The following DNAJB1 variants were observed in gnomAD, a reference collection of about 807,000 sequenced individuals.
The protein encoded by DNAJB1 is DnaJ heat shock protein family (Hsp40) member B1.
Under a neutral mutation model 24.0 loss-of-function variants are expected in DNAJB1, and 14 were observed. The observed-to-expected ratio is 0.58, with a 90% confidence interval of 0.39 to 0.91. The LOEUF (loss-of-function observed/expected upper bound fraction) is 0.91, where lower values mean the gene tolerates loss of function less well. Among genes scored for constraint, DNAJB1 ranks in the 40% least tolerant of loss-of-function variants. The probability of loss-of-function intolerance (pLI) is 0.00; values close to 1 mark genes in which losing one functional copy is unlikely to be tolerated. For synonymous variants in DNAJB1, 262 were observed against 174.4 expected (o/e 1.50, Z -3.96); for missense variants, 517 against 458.1 (o/e 1.13, Z -1.17).
At chr19:14,518,805 C>A (rs2072328224), upstream of DNAJB1, among the ~76,000 whole-genome samples, 1 of 152,374 alleles carries the variant, frequency 6.6e-6, no homozygotes, top group South Asian at 2.1e-4. Context: ...AGTCCTTTCC[C>A]CGGGAGGCGA....
upstream of DNAJB1, among the ~76,000 whole-genome samples, chr19:14,551,946 CCT>C (rs71166756): frequency 0.43 from 30,681 of 70,976 alleles, 7,284 homozygotes; most frequent in African/African-American, 0.55. Flanking sequence ...TCCCTCCCTC[CCT>C]CTCTCTCTCT....
intron 1 of DNAJB1, among the ~76,000 whole-genome samples, chr19:14,540,969 G>C (rs2073077316): frequency 6.6e-6 from 1 of 151,876 alleles, no homozygotes; most frequent in Non-Finnish European, 1.5e-5. Context: ...GGAGTAACTG[G>C]GACTACAGGC....
At chr19:14,541,486 C>T (rs1329915088) in intron 1 of DNAJB1, among the ~76,000 whole-genome samples, 1 of 152,248 alleles carries the variant, frequency 6.6e-6, no homozygotes, top group Non-Finnish European at 1.5e-5. Context: ...CTCTGTTTTC[C>T]AGTCCATCAC....
chr19:14,552,303 G>A (rs1234795704), upstream of DNAJB1, among the ~76,000 whole-genome samples: 1 of 151,056 alleles, frequency 6.6e-6, no homozygotes, highest in Non-Finnish European at 1.5e-5. Context: ...CAAACTGCTG[G>A]GATTATAGGC....
chr19:14,542,376 T>TTTTTTTTTC (rs1762683142), intron 1 of DNAJB1, among the ~76,000 whole-genome samples: 1 of 110,124 alleles, frequency 9.1e-6, no homozygotes, highest in African/African-American at 3.6e-5. Flanking sequence ...TTTTTTTTTT[T>TTTTTTTTTC]CTGAGATGGA....
At chr19:14,518,524 G>C (rs937594267), upstream of DNAJB1, 3 of 450,266 alleles carry the variant, frequency 6.7e-6, no homozygotes, top group Non-Finnish European at 1.1e-5. Flanking sequence ...CCCTTTCAGC[G>C]ACACGCGACA....
chr19:14,516,205 T>C (rs1430125727), intron 2 of DNAJB1, 35 bp from the exon 3 acceptor site: 1 of 1,610,460 alleles, frequency 6.2e-7, no homozygotes, highest in South Asian at 1.1e-5. Flanking sequence ...AGATGGAAGC[T>C]GGCTCAAGAG....
upstream of DNAJB1, chr19:14,531,608 G>A (rs991637995): frequency 6.6e-6 from 1 of 152,078 alleles, no homozygotes; most frequent in Non-Finnish European, 1.5e-5. Context: ...TTTTAGTAGA[G>A]ACAGGGTTTC....
At chr19:14,549,888 A>C (rs1472686021) in intron 1 of DNAJB1, among the ~76,000 whole-genome samples, 1 of 151,804 alleles carries the variant, frequency 6.6e-6, no homozygotes, top group Non-Finnish European at 1.5e-5. Flanking sequence ...GGTTGCAGTG[A>C]GCCGAGATTG....
At position 14,518,277 on chromosome 19, in the gene DNAJB1, G is replaced by A. The variant is rs1225832152; in HGVS notation, c.73C>T (p.Arg25Cys). 4.3e-6 allele frequency: 7 copies of A among 1,610,736 alleles called. No homozygotes were observed. Among genetic ancestry groups the A allele is most frequent in the Non-Finnish European group, 5.1e-6 (6 of 1,179,258 alleles). Reference protein sequence around the residue: ...ASDEEIKRAYRRQALRYHPDK... With the variant: ...ASDEEIKRAYCRQALRYHPDK... Reference sequence around the variant, plus strand: ...GGGTGGTAGCGCAGCGCCTGGCGGCGGTAGGCCCGCTTGATCTCCTCGTCC... The same window carrying A: ...GGGTGGTAGCGCAGCGCCTGGCGGCAGTAGGCCCGCTTGATCTCCTCGTCC... Residue 25 changes from arginine to cysteine, a missense_variant, in exon 1 of 3, where the codon CGC (arginine) becomes TGC (cysteine). Transcript: ENST00000254322.
At chr19:14,530,449 GCTGA>G (rs1480455187), upstream of DNAJB1, 1 of 152,126 alleles carries the variant, frequency 6.6e-6, no homozygotes, top group Non-Finnish European at 1.5e-5. Flanking sequence ...CTGAATTATT[GCTGA>G]CTTTTAAGTA....
chr19:14,523,598 C>T (rs2146531437), intron 2 of DNAJB1, among the ~76,000 whole-genome samples: 1 of 151,596 alleles, frequency 6.6e-6, no homozygotes, highest in Non-Finnish European at 1.5e-5. Context: ...AAGGGTTGAA[C>T]CCTACACCCG....
At chr19:14,529,915 C>G (rs1470362373), upstream of DNAJB1, 2 of 737,188 alleles carry the variant, frequency 2.7e-6, no homozygotes, top group South Asian at 3.5e-5. Flanking sequence ...ATCTGCAACC[C>G]AGGCTGTTTT....
intron 1 of DNAJB1, among the ~76,000 whole-genome samples, chr19:14,537,453 G>A (rs968781178): frequency 4.0e-5 from 6 of 149,658 alleles, no homozygotes; most frequent in African/African-American, 1.5e-4. Flanking sequence ...CCTGAGAACA[G>A]AGGAGGGTTG....
intron 1 of DNAJB1, among the ~76,000 whole-genome samples, chr19:14,543,109 C>T (rs965064701): frequency 6.6e-6 from 1 of 150,802 alleles, no homozygotes; most frequent in Non-Finnish European, 1.5e-5. Context: ...TAACACAAGC[C>T]CTGGGGCTTC....
intron 1 of DNAJB1, among the ~76,000 whole-genome samples, chr19:14,548,865 G>T (rs549788111): frequency 2.5e-4 from 38 of 152,136 alleles, no homozygotes; most frequent in Admixed American, 1.2e-3. Context: ...GGGAGCCACC[G>T]CATCCAACCA....
chr19:14,548,265 T>C (rs2073373228), intron 1 of DNAJB1, among the ~76,000 whole-genome samples: 1 of 151,990 alleles, frequency 6.6e-6, no homozygotes, highest in South Asian at 2.1e-4. Flanking sequence ...CTGGGCCTAA[T>C]GGGCATTTCA....
Position 14,516,437 on chromosome 19 carries a change from T to A in DNAJB1, c.792+29A>T, listed in dbSNP as rs201485538. ...GCTTCAAAAAGCAGCCATCGCCCTC[T>A]ACAGACACCGCCCCACCTGGCACCT... On this transcript the variant is annotated intron_variant, in intron 2 of 2. Coordinates refer to ENST00000254322, the MANE Select transcript of DNAJB1 (RefSeq NM_006145.3). 4.7e-4 allele frequency: 748 copies of A among 1,597,172 alleles called. 2 individuals carry two copies. The African/African-American group carries it at 9.6e-3, about 21-fold the overall frequency.
At chr19:14,534,479 A>G (rs541316750), upstream of DNAJB1, among the ~76,000 whole-genome samples, 34 of 109,604 alleles carry the variant, frequency 3.1e-4, no homozygotes, top group East Asian at 9.8e-3. Context: ...TCTGTCACCC[A>G]GGCTGGAGTG....
Sources: gnomAD v4.1 joint callset for allele counts (sites outside exome capture counted in the v4.1 genomes callset) on GRCh38, gnomAD v4.1.1 for gene constraint, MANE v1.5 for transcripts, NCBI Gene and HGNC (gene_info 2026-07-23, HGNC 2026-07-21) for gene names.